CTNNAL1: variants seen among roughly 807,000 people sequenced by gnomAD.
CTNNAL1 encodes the protein alpha-catulin.
A neutral mutation model predicts 93.6 loss-of-function variants in CTNNAL1; 69 were observed. The observed-to-expected ratio is 0.74, with a 90% CI of 0.61 to 0.90. CTNNAL1 has a LOEUF of 0.90. Among genes scored for constraint, CTNNAL1 ranks in the 40% least tolerant of loss-of-function variants. The pLI, the probability that CTNNAL1 is intolerant of heterozygous loss-of-function variation, is 0.00. For synonymous variants in CTNNAL1, 286 were observed against 305.4 expected (o/e 0.94, Z 0.66); for missense variants, 836 against 862.0 (o/e 0.97, Z 0.38).
chr9:108,950,922 A>G (rs190378143), intron 14 of CTNNAL1, among the ~76,000 whole-genome samples: 5 of 152,262 alleles, frequency 3.3e-5, no homozygotes, highest in Admixed American at 1.3e-4. Context: ...AGCTTTATCA[A>G]TATAAATGTT....
intron 1 of CTNNAL1, among the ~76,000 whole-genome samples, chr9:109,002,034 A>G (rs1826848368): frequency 6.6e-6 from 1 of 152,228 alleles, no homozygotes; most frequent in Non-Finnish European, 1.5e-5. Context: ...AAAAACTAGA[A>G]ACGTCAAAGA....
At chr9:108,953,543 ACTTAG>A (rs1414471757) in intron 12 of CTNNAL1, among the ~76,000 whole-genome samples, 3 of 152,220 alleles carry the variant, frequency 2.0e-5, no homozygotes, top group Admixed American at 6.5e-5. Flanking sequence ...TCATGTGTAC[ACTTAG>A]CTTAGGAAGG....
chr9:108,962,335 CAA>C (rs1830839774), intron 11 of CTNNAL1, among the ~76,000 whole-genome samples: 1 of 152,182 alleles, frequency 6.6e-6, no homozygotes, highest in Non-Finnish European at 1.5e-5. Flanking sequence ...ATTTTACCCA[CAA>C]AGACCCTAGT....
chr9:108,980,451 T>C (rs1163742476), intron 6 of CTNNAL1, among the ~76,000 whole-genome samples: 1 of 152,234 alleles, frequency 6.6e-6, no homozygotes, highest in Non-Finnish European at 1.5e-5. Context: ...CTTACATTTG[T>C]TTAACACTTC....
intron 14 of CTNNAL1, among the ~76,000 whole-genome samples, chr9:108,951,330 T>C (rs763101733): frequency 1.3e-4 from 20 of 152,076 alleles, no homozygotes; most frequent in Non-Finnish European, 2.9e-4. Context: ...TGCTATTTAT[T>C]GAGTCCCAAA....
intron 1 of CTNNAL1, among the ~76,000 whole-genome samples, chr9:109,004,771 G>A (rs754363688): frequency 2.0e-5 from 3 of 151,676 alleles, no homozygotes; most frequent in Non-Finnish European, 4.4e-5. Context: ...GGGTGACAGA[G>A]CGAGACTCTG....
chr9:109,001,440 A>G (rs1826824972), intron 1 of CTNNAL1, among the ~76,000 whole-genome samples: 2 of 152,186 alleles, frequency 1.3e-5, no homozygotes, highest in Non-Finnish European at 2.9e-5. Flanking sequence ...TTCTCTCCAC[A>G]TGAGTGTGGA....
At chr9:108,990,602 C>G in intron 4 of CTNNAL1, 124 bp downstream of exon 4, 1 of 1,226,982 alleles carries the variant, frequency 8.2e-7, no homozygotes, top group Middle Eastern at 2.9e-4. Context: ...GAAAGGCTTT[C>G]AAGACCAAGG....
chr9:108,960,131 C>G (rs1212557092), intron 11 of CTNNAL1, among the ~76,000 whole-genome samples: 1 of 152,164 alleles, frequency 6.6e-6, no homozygotes, highest in Non-Finnish European at 1.5e-5. Context: ...CCCAGACCCA[C>G]TTAAAATGAA....
chr9:108,953,974 G>A (rs1432577619), intron 12 of CTNNAL1, among the ~76,000 whole-genome samples: 1 of 152,030 alleles, frequency 6.6e-6, no homozygotes, highest in Non-Finnish European at 1.5e-5. Flanking sequence ...AGAAAGTAAG[G>A]AACACCCTCA....
chr9:108,961,723 T>G (rs1376086215), intron 11 of CTNNAL1, among the ~76,000 whole-genome samples: 1 of 152,226 alleles, frequency 6.6e-6, no homozygotes, highest in African/African-American at 2.4e-5. Flanking sequence ...TTATTTCATT[T>G]ACATCCATTG....
chr9:108,947,744 A>G (rs369969409), intron 15 of CTNNAL1, among the ~76,000 whole-genome samples: 1 of 152,192 alleles, frequency 6.6e-6, no homozygotes, highest in Non-Finnish European at 1.5e-5. Flanking sequence ...GGAAACTAAG[A>G]TGTACTTAAT....
chr9:109,007,968 A>ATTTAT (rs1230088645), intron 1 of CTNNAL1, among the ~76,000 whole-genome samples: 12 of 151,852 alleles, frequency 7.9e-5, no homozygotes, highest in Admixed American at 7.9e-4. Flanking sequence ...ACTCAACATT[A>ATTTAT]TGTTTTTGAG....
chr9:109,012,931 G>T (rs1827252906), intron 1 of CTNNAL1, among the ~76,000 whole-genome samples: 1 of 152,194 alleles, frequency 6.6e-6, no homozygotes, highest in African/African-American at 2.4e-5. Context: ...CCCCGCGGGG[G>T]TCCTCTCTGC....
chr9:108,965,111 T>C (rs985528473), intron 11 of CTNNAL1, among the ~76,000 whole-genome samples: 2 of 152,134 alleles, frequency 1.3e-5, no homozygotes, highest in Non-Finnish European at 2.9e-5. Flanking sequence ...TCCACCTGCC[T>C]TGGCCTCCCA....
chr9:109,000,576 A>T (rs1279794758), intron 1 of CTNNAL1, among the ~76,000 whole-genome samples: 1 of 152,178 alleles, frequency 6.6e-6, no homozygotes, highest in East Asian at 1.9e-4. Context: ...CTGTGTAGCT[A>T]CCTGAAATTG....
chr9:108,992,075 G>T (rs777354245), intron 3 of CTNNAL1: 2 of 767,288 alleles, frequency 2.6e-6, no homozygotes, highest in African/African-American at 1.7e-5. Context: ...TCTCTGATTT[G>T]GGAGGGAAAA....
rs117283850 is a variant in CTNNAL1, at chr9:108,973,046, G to A, written c.1189-213C>T. On this transcript the variant is annotated intron_variant, in intron 8 of 18. Transcript: ENST00000325551. Reference sequence around the variant, plus strand: ...ACAGTAGGAGTTGTGTAGCACTGGTGAGCTTACAGTTTCTCTCAAGGGCAG... The same window carrying A: ...ACAGTAGGAGTTGTGTAGCACTGGTAAGCTTACAGTTTCTCTCAAGGGCAG... Among the ~76,000 whole-genome samples, 122 of 152,306 alleles carry A rather than the reference G, an allele frequency of 8.0e-4. 1 individual carries two copies. In the East Asian group the frequency reaches 0.015, roughly 19 times the overall value.
chr9:108,984,333 C>T lies in CTNNAL1; in HGVS notation c.729+14G>A, dbSNP rs756345070. 1 of 1,517,172 alleles carries T rather than the reference C, an allele frequency of 6.6e-7. No homozygotes were observed. The highest frequency in any genetic ancestry group is 2.3e-5 in the East Asian group (1 of 44,352). The allele number at this position is 1,517,172 out of a possible 1,614,324, so 94.0% of individuals were successfully genotyped here. A position where few individuals can be genotyped will look rare whatever the true frequency, so the allele number is the denominator to read the frequency against. On this transcript the variant is annotated intron_variant, in intron 5 of 18. Transcript: ENST00000325551. ...TTATTAATTTATTACACAGTAAAAC[C>T]AAAATTGTCTTACCTTTGAAGCTGT...
Sources: gnomAD v4.1 joint callset for allele counts (sites outside exome capture counted in the v4.1 genomes callset) on GRCh38, gnomAD v4.1.1 for gene constraint, MANE v1.5 for transcripts, NCBI Gene and HGNC (gene_info 2026-07-23, HGNC 2026-07-21) for gene names.